The following CASZ1 variants were observed in gnomAD, a reference collection of about 807,000 sequenced individuals.
CASZ1 encodes the protein castor zinc finger 1.
A neutral mutation model predicts 135.2 loss-of-function variants in CASZ1; 28 were observed. The ratio of observed to expected loss-of-function variants is 0.21; its 90% CI spans 0.15 to 0.28. The LOEUF is 0.28. Ranked by LOEUF, CASZ1 falls within the 10% of genes least tolerant of loss-of-function variation. CASZ1 has a pLI of 1.00. For missense variants in CASZ1, 2,161 were observed against 2,453.3 expected (o/e 0.88, Z 2.52); for synonymous variants, 1,068 against 1,073.4 (o/e 0.99, Z 0.10).
In CASZ1 at chr1:10,639,626, C is replaced by A. The variant is rs1365305452; in HGVS notation, c.4596G>T (p.Ala1532=). 1 of 1,608,524 alleles carries A rather than the reference C, an allele frequency of 6.2e-7. No homozygotes were observed. Among genetic ancestry groups the A allele is most frequent in the Non-Finnish European group, 8.5e-7 (1 of 1,179,014 alleles). ...FRCTDSTKVT[A]HRKHHGKQDV... is the part of the protein sequence containing the mutation. ...CCTGTTTGCCGTGGTGCTTGCGATGCGCCGTGACCTTGGTGCTGTCGGTGC... is the reference window on the plus strand; with the variant it reads ...CCTGTTTGCCGTGGTGCTTGCGATGAGCCGTGACCTTGGTGCTGTCGGTGC... The change falls in exon 21 of 21, where the codon GCG becomes GCT. Residue 1532 remains alanine (A), a synonymous_variant. Coordinates refer to ENST00000377022, the MANE Select transcript of CASZ1 (RefSeq NM_001079843.3). This position sits in a 1 kb window ranked among gnomAD's most constrained non-coding sequence, Gnocchi z 4.0.
chr1:10,649,788 C>A, intron 13 of CASZ1: 1 of 168,740 alleles, frequency 5.9e-6, no homozygotes, highest in Admixed American at 6.0e-5. Flanking sequence ...AGAAGGTTTT[C>A]AAAAGAAGCG....
In CASZ1 at chr1:10,657,258, G is replaced by A. The variant is rs1020250455; in HGVS notation, c.1410-522C>T. ...ACAGCAACGAGCTCACTCTCCAGCC[G>A]CCGCCGCCACCGCCAGGAACCTGTG... On this transcript the variant is annotated intron_variant, in intron 7 of 20. Coordinates refer to ENST00000377022, the MANE Select transcript of CASZ1 (RefSeq NM_001079843.3). The surrounding 1 kb of genome is among the most constrained non-coding windows in gnomAD (Gnocchi z 5.7). 6.6e-6 allele frequency among the ~76,000 whole-genome samples: 1 copy of A among 152,200 alleles called. No individual in the cohort carries two copies. Among genetic ancestry groups the A allele is most frequent in the African/African-American group, 2.4e-5 (1 of 41,446 alleles).
rs753285396 is a variant in CASZ1 at position 10,657,021 on chromosome 1, G to A, written c.1410-285C>T. Reference sequence around the variant, plus strand: ...CCCTGGGATGGAAGGGAAGGCAGGCGCCCCCTCGGCTGCCCACCTGTCTTT... The same window carrying A: ...CCCTGGGATGGAAGGGAAGGCAGGCACCCCCTCGGCTGCCCACCTGTCTTT... On this transcript the variant is annotated intron_variant, in intron 7 of 20. Coordinates refer to ENST00000377022, the MANE Select transcript of CASZ1 (RefSeq NM_001079843.3). This position sits in a 1 kb window ranked among gnomAD's most constrained non-coding sequence, Gnocchi z 5.7. Among the ~76,000 whole-genome samples, 10 of 152,262 alleles carry A rather than the reference G, an allele frequency of 6.6e-5. No individual in the cohort carries two copies. In the South Asian group the frequency reaches 1.5e-3, roughly 22 times the overall value.
At position 10,762,222 on chromosome 1, in the gene CASZ1, C is replaced by G. The variant is rs970853876; in HGVS notation, c.-233-1365G>C. Among the ~76,000 whole-genome samples, 2 of 151,872 alleles carry G rather than the reference C, an allele frequency of 1.3e-5. No homozygotes were observed. Among genetic ancestry groups the G allele is most frequent in the Non-Finnish European group, 2.9e-5 (2 of 68,000 alleles). On this transcript the variant is annotated intron_variant, in intron 1 of 20. Transcript: ENST00000377022. The surrounding 1 kb of genome is among the most constrained non-coding windows in gnomAD (Gnocchi z 4.1). ...GGGCAATGCCACCGAGACCAGCTCC[C>G]TGGGGGAGGCCATCAGGGGTGGACA...
At chr1:10,695,024 T>C (rs982541265) in intron 3 of CASZ1, among the ~76,000 whole-genome samples, 1 of 148,280 alleles carries the variant, frequency 6.7e-6, no homozygotes, top group East Asian at 2.0e-4. Flanking sequence ...GGCGCAGGTG[T>C]GAGGCGCCGC....
In CASZ1 at chr1:10,701,175, C is replaced by T. The variant is rs958854381; in HGVS notation, c.-24+4317G>A. Among the ~76,000 whole-genome samples, 3 of 152,194 alleles carry T rather than the reference C, an allele frequency of 2.0e-5. No homozygotes were observed. The highest frequency in any genetic ancestry group is 7.2e-5 in the African/African-American group (3 of 41,438). On this transcript the variant is annotated intron_variant, in intron 3 of 20. Transcript: ENST00000377022. This position sits in a 1 kb window ranked among gnomAD's most constrained non-coding sequence, Gnocchi z 6.3. ...GAGCTGCCCCAGGTGTCTGGTGGGG[C>T]TCCTGGGCAGCTGCTCCCTGGCAGG...
At chr1:10,740,590 A>C (rs1182594053) in intron 2 of CASZ1, among the ~76,000 whole-genome samples, 4 of 152,156 alleles carry the variant, frequency 2.6e-5, no homozygotes, top group Non-Finnish European at 5.9e-5. Context: ...GGTGGGAGAG[A>C]AGGGTCTAGA....
At chr1:10,754,497 G>A (rs1248479418) in intron 2 of CASZ1, among the ~76,000 whole-genome samples, 4 of 152,126 alleles carry the variant, frequency 2.6e-5, no homozygotes, top group African/African-American at 9.7e-5. Flanking sequence ...CCAACCCAGT[G>A]GGCTCCTCAA....
At position 10,725,084 on chromosome 1, in the gene CASZ1, TC is replaced by T. The variant is rs1369841134; in HGVS notation, c.-76-19541del. On this transcript the variant is annotated intron_variant, in intron 2 of 20. Transcript: ENST00000377022. The surrounding 1 kb of genome is among the most constrained non-coding windows in gnomAD (Gnocchi z 4.4). ...CCCTCGCAGACGTGCAGGTGGCTGTTCTTCCCTGGAGGGAGGGGGCTTGGGC... is the reference window on the plus strand; with the variant it reads ...CCCTCGCAGACGTGCAGGTGGCTGTTTTCCCTGGAGGGAGGGGGCTTGGGC... Among the ~76,000 whole-genome samples, 3 of 152,208 alleles carry T rather than the reference TC, an allele frequency of 2.0e-5. No homozygotes were observed. Among genetic ancestry groups the T allele is most frequent in the Non-Finnish European group, 4.4e-5 (3 of 68,020 alleles).
rs767225573 is a variant in CASZ1 at position 10,660,390 on chromosome 1, C to G, written c.652G>C (p.Ala218Pro). Residue 218 changes from alanine to proline, a missense_variant, in exon 6 of 21, where the codon GCC becomes CCC. Transcript: ENST00000377022. The part of the protein sequence containing the change: ...KLHAGSTPEA[A>P]TSSMLPTSED... Reference sequence around the variant, plus strand: ...GAGGTGGGCAGCATGGAGGAGGTGGCTGCCTCCGGGGTGGAGCCCGCGTGC... The same window carrying G: ...GAGGTGGGCAGCATGGAGGAGGTGGGTGCCTCCGGGGTGGAGCCCGCGTGC... 2.5e-6 allele frequency: 4 copies of G among 1,614,162 alleles called. No homozygotes were observed. The East Asian group carries it at 8.9e-5, about 36-fold the overall frequency.
At chr1:10,772,382 C>T (rs540422109) in intron 1 of CASZ1, among the ~76,000 whole-genome samples, 17 of 152,334 alleles carry the variant, frequency 1.1e-4, no homozygotes, top group Non-Finnish European at 2.4e-4. Context: ...ATAGAAACTT[C>T]CCAGCTTCAG....
At position 10,721,800 on chromosome 1, in the gene CASZ1, C is replaced by T. The variant is rs145429819; in HGVS notation, c.-76-16256G>A. On this transcript the variant is annotated intron_variant, in intron 2 of 20. Coordinates refer to ENST00000377022, the MANE Select transcript of CASZ1 (RefSeq NM_001079843.3). The surrounding 1 kb of genome is among the most constrained non-coding windows in gnomAD (Gnocchi z 5.4). ...GCTTCAGCCCAGCAAGTCTCTGGGT[C>T]GTGGTGGAGGCCAACTGCCTTTTTG... Among the ~76,000 whole-genome samples the T allele has an allele frequency of 4.8e-4, 73 of 152,346 alleles. No individual in the cohort carries two copies. In the East Asian group the frequency reaches 0.011, roughly 22 times the overall value.
chr1:10,720,496 G>A lies in CASZ1; in HGVS notation c.-76-14952C>T, dbSNP rs1178316938. 2.6e-5 allele frequency among the ~76,000 whole-genome samples: 4 copies of A among 152,154 alleles called. No individual in the cohort carries two copies. The highest frequency in any genetic ancestry group is 6.5e-5 in the Admixed American group (1 of 15,276). ...CCTACTGCCTGCCCTGAAAACTGAC[G>A]AAAGCAGCCACCAAGGCCCTGGACT... On this transcript the variant is annotated intron_variant, in intron 2 of 20. Coordinates refer to ENST00000377022, the MANE Select transcript of CASZ1 (RefSeq NM_001079843.3). This position sits in a 1 kb window ranked among gnomAD's most constrained non-coding sequence, Gnocchi z 5.7.
At chr1:10,785,975 C>T (rs541537003) in intron 1 of CASZ1, among the ~76,000 whole-genome samples, 4 of 152,352 alleles carry the variant, frequency 2.6e-5, no homozygotes, top group South Asian at 2.1e-4. Flanking sequence ...AGGAATGAAT[C>T]GTCCAAGTGG....
intron 2 of CASZ1, among the ~76,000 whole-genome samples, chr1:10,743,300 A>G (rs560649): frequency 0.24 from 36,392 of 151,758 alleles, 5,286 homozygotes; most frequent in African/African-American, 0.42. Flanking sequence ...AGGGTGAGTG[A>G]TATTTGGGGA....
chr1:10,648,813 C>T, intron 15 of CASZ1: 1 of 509,774 alleles, frequency 2.0e-6, no homozygotes, highest in Non-Finnish European at 3.6e-6. Flanking sequence ...GATGGCTGCC[C>T]TGGGGACGTG....
intron 18 of CASZ1, 46 bp from the exon 19 acceptor site, chr1:10,643,357 C>T: frequency 6.2e-7 from 1 of 1,601,332 alleles, no homozygotes; most frequent in Non-Finnish European, 8.5e-7. Context: ...CTGGCCAGCG[C>T]TCATGGCTTC....
At chr1:10,695,386 G>A (rs1638906872) in intron 3 of CASZ1, among the ~76,000 whole-genome samples, 1 of 152,134 alleles carries the variant, frequency 6.6e-6, no homozygotes, top group Non-Finnish European at 1.5e-5. Flanking sequence ...TGGGCCATCC[G>A]CCCCGCAGCC....
At chr1:10,770,628 G>A (rs1366413115) in intron 1 of CASZ1, among the ~76,000 whole-genome samples, 1 of 152,020 alleles carries the variant, frequency 6.6e-6, no homozygotes, top group East Asian at 1.9e-4. Flanking sequence ...CTGCCCAGAT[G>A]CCCTGCACCT....
Sources: gnomAD v4.1 joint callset for allele counts (sites outside exome capture counted in the v4.1 genomes callset) on GRCh38, gnomAD v4.1.1 for gene constraint, Gnocchi (gnomAD v3.1) non-coding constraint, MANE v1.5 for transcripts, NCBI Gene and HGNC (gene_info 2026-07-23, HGNC 2026-07-21) for gene names.